The following FAF1 variants were observed in gnomAD, a reference collection of about 807,000 sequenced individuals.
The protein encoded by FAF1 is FAS-associated factor 1.
A neutral mutation model predicts 92.5 loss-of-function variants in FAF1; 25 were observed. The observed-to-expected ratio is 0.27, with a 90% confidence interval of 0.20 to 0.38. FAF1 has a LOEUF of 0.38. FAF1 is among the 10% of genes least tolerant of loss of function. FAF1 has a pLI of 1.00. For synonymous variants in FAF1, 234 were observed against 273.2 expected, an observed-to-expected ratio of 0.86 and a Z score of 1.42; for missense variants, 636 against 793.3, an observed-to-expected ratio of 0.80 and a Z score of 2.38.
chr1:50,871,469 G>T (rs1644527774), intron 1 of FAF1, among the ~76,000 whole-genome samples: 1 of 152,210 alleles, frequency 6.6e-6, no homozygotes, highest in African/African-American at 2.4e-5. Context: ...AATGCAGATG[G>T]TGACTTTCAA....
intron 1 of FAF1, among the ~76,000 whole-genome samples, chr1:50,934,024 T>C (rs565266297): frequency 6.6e-6 from 1 of 152,328 alleles, no homozygotes; most frequent in Non-Finnish European, 1.5e-5. Flanking sequence ...CAAGTTGAGA[T>C]TTGGGTAGGG....
chr1:50,581,978 G>A (rs967619892), intron 12 of FAF1, among the ~76,000 whole-genome samples: 1 of 133,836 alleles, frequency 7.5e-6, no homozygotes, highest in East Asian at 2.7e-4. Flanking sequence ...CTAAATTCTT[G>A]TTATGGGCTT....
At chr1:50,719,999 A>C (rs1475616033) in intron 6 of FAF1, among the ~76,000 whole-genome samples, 2 of 146,030 alleles carry the variant, frequency 1.4e-5, no homozygotes, top group Non-Finnish European at 3.0e-5. Flanking sequence ...AATTAAACAC[A>C]CTTTTTTTTT....
At chr1:50,716,964 T>C (rs1658202929) in intron 6 of FAF1, among the ~76,000 whole-genome samples, 1 of 152,146 alleles carries the variant, frequency 6.6e-6, no homozygotes, top group African/African-American at 2.4e-5. Flanking sequence ...GCTGTAACAC[T>C]TGCTGCAAAG....
chr1:50,614,087 CTCTG>C (rs1189981403), intron 8 of FAF1, among the ~76,000 whole-genome samples: 2 of 151,488 alleles, frequency 1.3e-5, no homozygotes, highest in African/African-American at 2.4e-5. Context: ...TAGAGTGAGA[CTCTG>C]TCTGAAAAAA....
At chr1:50,936,590 C>T (rs1185311564) in intron 1 of FAF1, among the ~76,000 whole-genome samples, 1 of 152,148 alleles carries the variant, frequency 6.6e-6, no homozygotes. Context: ...TGTTAGCCTG[C>T]CAGTGAACTC....
intron 2 of FAF1, among the ~76,000 whole-genome samples, chr1:50,837,899 A>C (rs1440832785): frequency 2.0e-5 from 3 of 152,032 alleles, no homozygotes. Context: ...GTGTGACACC[A>C]TGCCCAGCTA....
At chr1:50,448,876 C>T (rs1646259456) in intron 18 of FAF1, among the ~76,000 whole-genome samples, 1 of 150,762 alleles carries the variant, frequency 6.6e-6, no homozygotes, top group Non-Finnish European at 1.5e-5. Flanking sequence ...CCAAAAACCT[C>T]AGAGCACTAA....
At position 50,437,299 on chromosome 1, in the gene FAF1, CTTAAAAT is replaced by C. The variant is rs2148969681; in HGVS notation, c.*4134_*4140del. ...AAATAGGATGACGTAAATGGTGATTCTTAAAATTTTTTGATCAATAGGTCCCACTGAG... is the reference window on the plus strand; with the variant it reads ...AAATAGGATGACGTAAATGGTGATTCTTTTTGATCAATAGGTCCCACTGAG... On this transcript the variant is annotated 3_prime_UTR_variant, in exon 19 of 19. Coordinates refer to ENST00000396153, the MANE Select transcript of FAF1 (RefSeq NM_007051.3). 6.6e-6 allele frequency: 1 copy of C among 152,006 alleles called. No homozygotes were observed. Among genetic ancestry groups the C allele is most frequent in the African/African-American group, 2.4e-5 (1 of 41,470 alleles). The allele number at this position is 152,006 out of a possible 1,614,324, so 9.4% of individuals were successfully genotyped here.
At chr1:50,690,677 A>G (rs1024437897) in intron 7 of FAF1, among the ~76,000 whole-genome samples, 1 of 152,228 alleles carries the variant, frequency 6.6e-6, no homozygotes, top group African/African-American at 2.4e-5. Flanking sequence ...TTTAAAATGC[A>G]TTGTGCTACA....
chr1:50,605,040 C>T (rs1280246487), intron 8 of FAF1, among the ~76,000 whole-genome samples: 1 of 152,124 alleles, frequency 6.6e-6, no homozygotes, highest in Non-Finnish European at 1.5e-5. Context: ...TATAATTACC[C>T]ACTTTTATGC....
chr1:50,472,376 C>CACAG (rs1197647646), intron 18 of FAF1, among the ~76,000 whole-genome samples: 17 of 77,854 alleles, frequency 2.2e-4, no homozygotes, highest in Admixed American at 2.0e-3. Flanking sequence ...CATACACACA[C>CACAG]ACACACACAC....
At chr1:50,956,285 G>A (rs1488776686) in intron 1 of FAF1, among the ~76,000 whole-genome samples, 1 of 151,794 alleles carries the variant, frequency 6.6e-6, no homozygotes. Context: ...CATTAAGTCT[G>A]AGCTGTAATC....
intron 1 of FAF1, among the ~76,000 whole-genome samples, chr1:50,929,181 G>A (rs1645030238): frequency 6.6e-6 from 1 of 150,826 alleles, no homozygotes; most frequent in Non-Finnish European, 1.5e-5. Flanking sequence ...GAAATGATGT[G>A]TTTAATAATA....
chr1:50,471,236 C>T (rs1447539990), intron 18 of FAF1: 2 of 152,208 alleles, frequency 1.3e-5, no homozygotes, highest in African/African-American at 4.8e-5. Flanking sequence ...CTTCTGGATT[C>T]AGACTGTAAA....
intron 18 of FAF1, among the ~76,000 whole-genome samples, chr1:50,464,857 T>C (rs1646474943): frequency 6.6e-6 from 1 of 152,192 alleles, no homozygotes; most frequent in African/African-American, 2.4e-5. Context: ...CAGGTGGAAG[T>C]GCCAGCATTA....
At chr1:50,736,526 G>C (rs1659144782) in intron 6 of FAF1, among the ~76,000 whole-genome samples, 2 of 152,144 alleles carry the variant, frequency 1.3e-5, no homozygotes, top group Admixed American at 1.3e-4. Flanking sequence ...GAGGTGGGAG[G>C]ATCACCTGAG....
At chr1:50,796,582 CT>C (rs1021431506) in intron 3 of FAF1, among the ~76,000 whole-genome samples, 11 of 152,144 alleles carry the variant, frequency 7.2e-5, no homozygotes, top group Admixed American at 6.5e-5. Context: ...TAGATGTGTT[CT>C]AGCTGCTGCT....
intron 7 of FAF1, among the ~76,000 whole-genome samples, chr1:50,687,461 C>T (rs576230966): frequency 1.3e-5 from 2 of 151,906 alleles, no homozygotes; most frequent in African/African-American, 4.8e-5. Context: ...AAATGATGCT[C>T]AAAACTGGCC....
Sources: gnomAD v4.1 joint callset for allele counts (sites outside exome capture counted in the v4.1 genomes callset) on GRCh38, gnomAD v4.1.1 for gene constraint, MANE v1.5 for transcripts, NCBI Gene and HGNC (gene_info 2026-07-23, HGNC 2026-07-21) for gene names.